CYFIP2: variants seen among roughly 807,000 people sequenced by gnomAD.
The protein encoded by CYFIP2 is cytoplasmic FMR1 interacting protein 2, also known as cytoplasmic FMR1-interacting protein 2.
CYFIP2 carries 29 observed loss-of-function variants against 158.7 expected under a neutral mutation model. That is an observed-to-expected ratio of 0.18 (90% CI 0.14 to 0.25). The LOEUF (loss-of-function observed/expected upper bound fraction) is 0.25. CYFIP2 is among the 10% of genes least tolerant of loss of function. The probability of loss-of-function intolerance (pLI) is 1.00; values close to 1 mark genes in which losing one functional copy is unlikely to be tolerated. For missense variants in CYFIP2, 852 were observed against 1,639.5 expected, an observed-to-expected ratio of 0.52 and a Z score of 8.29; for synonymous variants, 585 against 617.6, an observed-to-expected ratio of 0.95 and a Z score of 0.78.
chr5:157,270,629 C>G (rs1053913751), intron 1 of CYFIP2, among the ~76,000 whole-genome samples: 1 of 152,234 alleles, frequency 6.6e-6, no homozygotes, highest in Non-Finnish European at 1.5e-5. Context: ...AGCCCCCTAT[C>G]TCCAAGTCTG....
intron 13 of CYFIP2, among the ~76,000 whole-genome samples, chr5:157,316,621 C>T (rs1419335158): frequency 6.6e-6 from 1 of 152,182 alleles, no homozygotes; most frequent in Non-Finnish European, 1.5e-5. Flanking sequence ...TTGACACCTA[C>T]AAGAGACGAA....
In CYFIP2 at chr5:157,327,954, C is replaced by G. The variant is rs746508244; in HGVS notation, c.2080-19C>G. On this transcript the variant is annotated intron_variant, in intron 18 of 30. Coordinates refer to ENST00000620254, the MANE Select transcript of CYFIP2 (RefSeq NM_001037333.3). Reference sequence around the variant, plus strand: ...AGCTGAACGGGCACCAGTGATGTTTCCTGCTTCCTCTCCACCAGGTGAACC... The same window carrying G: ...AGCTGAACGGGCACCAGTGATGTTTGCTGCTTCCTCTCCACCAGGTGAACC... 2 of 1,613,132 alleles carry G rather than the reference C, an allele frequency of 1.2e-6. No homozygotes were observed. The highest frequency in any genetic ancestry group is 1.7e-6 in the Non-Finnish European group (2 of 1,179,318).
intron 12 of CYFIP2, 39 bp downstream of exon 12, chr5:157,314,502 C>A (rs1759982662): frequency 1.3e-6 from 2 of 1,593,238 alleles, no homozygotes; most frequent in African/African-American, 2.7e-5. Flanking sequence ...ACTGACCTCT[C>A]TTTCCTTGGA....
intron 6 of CYFIP2, 45 bp downstream of exon 6, chr5:157,300,941 C>A (rs752733312): frequency 6.8e-7 from 1 of 1,467,744 alleles, no homozygotes; most frequent in South Asian, 1.4e-5. Flanking sequence ...CCAGGCCCCT[C>A]CTCCAGGGCT....
chr5:157,373,707 C>T (rs1036221280), intron 26 of CYFIP2, among the ~76,000 whole-genome samples: 1 of 152,136 alleles, frequency 6.6e-6, no homozygotes, highest in Non-Finnish European at 1.5e-5. Flanking sequence ...AAATAGATTA[C>T]AGAAGAGTAG....
chr5:157,346,719 T>C (rs747644906), intron 23 of CYFIP2, among the ~76,000 whole-genome samples: 3 of 152,222 alleles, frequency 2.0e-5, no homozygotes, highest in Non-Finnish European at 2.9e-5. Context: ...AGGAATCTAA[T>C]GCAGCACTGC....
At chr5:157,376,750 T>A (rs1028869670) in intron 26 of CYFIP2, 1 of 326,618 alleles carries the variant, frequency 3.1e-6, no homozygotes, top group African/African-American at 2.2e-5. Flanking sequence ...CACCCACTTA[T>A]GCAAACCTTG....
intron 1 of CYFIP2, among the ~76,000 whole-genome samples, chr5:157,278,443 G>A (rs996226124): frequency 7.2e-5 from 11 of 152,180 alleles, no homozygotes; most frequent in African/African-American, 1.9e-4. Context: ...TACAAAACCA[G>A]GTGTGGTCTA....
chr5:157,393,341 T>C lies in CYFIP2; in HGVS notation c.*341T>C. 5.0e-6 allele frequency: 1 copy of C among 200,132 alleles called. No homozygotes were observed. The highest frequency in any genetic ancestry group is 1.0e-5 in the Non-Finnish European group (1 of 99,158). The allele number at this position is 200,132 out of a possible 1,614,324, so 12.4% of individuals were successfully genotyped here. The stretch of plus-strand genomic sequence containing the variant: ...CTATCTGTGGTTGCTTCCCAAGACC[T>C]CCTCCCAAGATAGACATCTCCTACC... On this transcript the variant is annotated 3_prime_UTR_variant, in exon 31 of 31. Transcript: ENST00000620254.
Position 157,320,749 on chromosome 5 carries a change from G to A in CYFIP2, c.1618G>A (p.Gly540Ser). The change falls in exon 15 of 31, where the codon GGT (glycine) becomes AGT (serine). Residue 540 changes from glycine to serine, a missense_variant. By Grantham distance (56) the Gly-to-Ser change is moderately conservative. Coordinates refer to ENST00000620254, the MANE Select transcript of CYFIP2 (RefSeq NM_001037333.3). ...PCLRGEKDPK[G>S]GFDIKVPRRA... ...CTTGAGAGGGGAGAAGGACCCCAAA[G>A]GTGGATTTGATATCAAGGTGCCCCG... 6.2e-7 allele frequency: 1 copy of A among 1,612,486 alleles called. No homozygotes were observed. The highest frequency in any genetic ancestry group is 8.5e-7 in the Non-Finnish European group (1 of 1,179,252).
chr5:157,333,211 C>T, intron 20 of CYFIP2, 116 bp from the exon 21 acceptor site: 1 of 1,350,890 alleles, frequency 7.4e-7, no homozygotes, highest in Non-Finnish European at 1.0e-6. Context: ...AAACCCCTCC[C>T]ACCTGGCAGT....
chr5:157,354,019 G>A (rs1281484893), intron 23 of CYFIP2, among the ~76,000 whole-genome samples: 1 of 152,126 alleles, frequency 6.6e-6, no homozygotes, highest in Non-Finnish European at 1.5e-5. Context: ...AATTTTATTT[G>A]TATATTTTGC....
Position 157,281,184 on chromosome 5 carries a change from A to G in CYFIP2, c.-23-4155A>G, listed in dbSNP as rs553444438. On this transcript the variant is annotated intron_variant, in intron 1 of 30. Coordinates refer to ENST00000620254, the MANE Select transcript of CYFIP2 (RefSeq NM_001037333.3). The stretch of plus-strand genomic sequence containing the variant: ...CTTATATTTCCTGTGAGTTGGCGTC[A>G]AAGGCTTAATTAGATTCAGGTGTTT... Among the ~76,000 whole-genome samples the G allele has an allele frequency of 2.0e-5, 3 of 152,326 alleles. No individual in the cohort carries two copies. In the East Asian group the frequency reaches 5.8e-4, roughly 29 times the overall value.
At chr5:157,284,131 T>C (rs1483290363) in intron 1 of CYFIP2, among the ~76,000 whole-genome samples, 1 of 152,184 alleles carries the variant, frequency 6.6e-6, no homozygotes, top group African/African-American at 2.4e-5. Context: ...TTGCTTTGCT[T>C]TTTGCTTTAT....
chr5:157,356,987 A>G (rs1763454480), intron 23 of CYFIP2, among the ~76,000 whole-genome samples: 2 of 152,204 alleles, frequency 1.3e-5, no homozygotes, highest in South Asian at 4.1e-4. Context: ...TATGTAAGCT[A>G]TTACTGGCCC....
At chr5:157,338,546 G>T (rs1253971420) in intron 21 of CYFIP2, among the ~76,000 whole-genome samples, 6 of 152,166 alleles carry the variant, frequency 3.9e-5, no homozygotes, top group Non-Finnish European at 8.8e-5. Flanking sequence ...GACCTCATAG[G>T]GTTTGATAAG....
At chr5:157,357,843 GA>G (rs1229291690) in intron 23 of CYFIP2, among the ~76,000 whole-genome samples, 1 of 151,452 alleles carries the variant, frequency 6.6e-6, no homozygotes, top group Non-Finnish European at 1.5e-5. Context: ...AAAAAACAAA[GA>G]AAAAAACCTA....
At chr5:157,370,562 C>T (rs1325437966) in intron 26 of CYFIP2, among the ~76,000 whole-genome samples, 1 of 152,226 alleles carries the variant, frequency 6.6e-6, no homozygotes, top group Non-Finnish European at 1.5e-5. Context: ...TAGGTGCTAA[C>T]ATGTGCTGGT....
intron 13 of CYFIP2, among the ~76,000 whole-genome samples, chr5:157,315,663 A>G (rs116861886): frequency 6.6e-6 from 1 of 152,370 alleles, no homozygotes; most frequent in East Asian, 1.9e-4. Context: ...CCAACTGTGC[A>G]GAGATATTTG....
Sources: gnomAD v4.1 joint callset for allele counts (sites outside exome capture counted in the v4.1 genomes callset) on GRCh38, gnomAD v4.1.1 for gene constraint, MANE v1.5 for transcripts, NCBI Gene and HGNC (gene_info 2026-07-23, HGNC 2026-07-21) for gene names.